Variants in RBFOX1 observed in about 807,000 individuals in gnomAD.
The protein encoded by RBFOX1 is RNA binding protein fox-1 homolog 1.
In RBFOX1, 8 loss-of-function variants were observed where a neutral mutation model predicts 57.7. That is an observed-to-expected ratio of 0.14 (90% CI 0.08 to 0.25). RBFOX1 has a LOEUF of 0.25. RBFOX1 is among the 10% of genes least tolerant of loss of function. RBFOX1 has a pLI of 1.00. For synonymous variants in RBFOX1, 326 were observed against 222.4 expected (o/e 1.47, Z -4.15); for missense variants, 611 against 548.5 (o/e 1.11, Z -1.14).
At chr16:5,400,077 C>G (rs1042185116) in intron 1 of RBFOX1, among the ~76,000 whole-genome samples, 4 of 151,994 alleles carry the variant, frequency 2.6e-5, no homozygotes, top group African/African-American at 7.2e-5. Flanking sequence ...TTTCTTCTTT[C>G]CTTTTCTTTT....
intron 4 of RBFOX1, among the ~76,000 whole-genome samples, chr16:7,380,036 T>G (rs2097760438): frequency 6.6e-6 from 1 of 152,084 alleles, no homozygotes; most frequent in Non-Finnish European, 1.5e-5. Context: ...TAAAGAAAAT[T>G]TTTAGAGAAG....
chr16:5,994,246 CTGCCTCCTG>C (rs1215876476), intron 4 of RBFOX1, among the ~76,000 whole-genome samples: 6 of 152,240 alleles, frequency 3.9e-5, no homozygotes, highest in Admixed American at 2.0e-4. Flanking sequence ...ACTGCAACCT[CTGCCTCCTG>C]GGTTTAAGCA....
At chr16:7,496,378 A>C (rs928643587) in intron 4 of RBFOX1, among the ~76,000 whole-genome samples, 3 of 152,116 alleles carry the variant, frequency 2.0e-5, no homozygotes, top group African/African-American at 7.2e-5. Flanking sequence ...CTTGACCTCA[A>C]GTGATCCACC....
At chr16:5,519,180 G>T (rs1298603980) in intron 2 of RBFOX1, among the ~76,000 whole-genome samples, 1 of 152,196 alleles carries the variant, frequency 6.6e-6, no homozygotes, top group East Asian at 1.9e-4. Context: ...AGCCACCCAG[G>T]CTGTGATACT....
intron 4 of RBFOX1, among the ~76,000 whole-genome samples, chr16:7,125,937 C>G (rs1238167332): frequency 1.3e-5 from 2 of 152,050 alleles, no homozygotes; most frequent in Non-Finnish European, 2.9e-5. Context: ...ACAAAAATTA[C>G]CTGTGCGTGG....
intron 4 of RBFOX1, among the ~76,000 whole-genome samples, chr16:7,171,379 C>T (rs538408867): frequency 5.9e-5 from 9 of 152,340 alleles, no homozygotes; most frequent in African/African-American, 2.2e-4. Flanking sequence ...ATAGTATTTT[C>T]TTGATGAATT....
chr16:7,226,745 C>A (rs1298454026), intron 4 of RBFOX1, among the ~76,000 whole-genome samples: 1 of 152,182 alleles, frequency 6.6e-6, no homozygotes, highest in Non-Finnish European at 1.5e-5. Flanking sequence ...ATCAAGAGGA[C>A]TGGTAGGATT....
chr16:7,235,596 C>T (rs1039686867), intron 4 of RBFOX1, among the ~76,000 whole-genome samples: 2 of 152,150 alleles, frequency 1.3e-5, no homozygotes, highest in African/African-American at 4.8e-5. Flanking sequence ...TTTGCCCTTT[C>T]AATTGATGGG....
chr16:7,120,845 A>ACACC (rs2067004550), intron 4 of RBFOX1, among the ~76,000 whole-genome samples: 1 of 150,378 alleles, frequency 6.6e-6, no homozygotes, highest in African/African-American at 2.4e-5. Context: ...ACACACACAC[A>ACACC]CACACACACA....
intron 1 of RBFOX1, among the ~76,000 whole-genome samples, chr16:5,259,432 G>T (rs1297993998): frequency 6.6e-6 from 1 of 152,168 alleles, no homozygotes; most frequent in Non-Finnish European, 1.5e-5. Flanking sequence ...GTGCTATTCT[G>T]CTGAAACTTC....
intron 1 of RBFOX1, among the ~76,000 whole-genome samples, chr16:5,312,547 C>A (rs1451154209): frequency 2.0e-5 from 3 of 152,206 alleles, no homozygotes; most frequent in Non-Finnish European, 4.4e-5. Context: ...GAACTCCTGA[C>A]CTCATGATCC....
intron 5 of RBFOX1, among the ~76,000 whole-genome samples, chr16:7,537,084 A>G (rs2081644388): frequency 6.6e-6 from 1 of 152,166 alleles, no homozygotes; most frequent in African/African-American, 2.4e-5. Context: ...AGCAGAAAGA[A>G]TCCCATCATT....
intron 5 of RBFOX1, among the ~76,000 whole-genome samples, chr16:7,533,080 C>G (rs2080533010): frequency 6.6e-6 from 1 of 152,234 alleles, no homozygotes; most frequent in Non-Finnish European, 1.5e-5. Context: ...TCCCCTCTGA[C>G]TATTTGTCAT....
At chr16:6,451,966 C>T (rs959113636) in intron 2 of RBFOX1, among the ~76,000 whole-genome samples, 5 of 148,670 alleles carry the variant, frequency 3.4e-5, no homozygotes, top group Admixed American at 3.3e-4. Context: ...CCATGGCTCT[C>T]CTTCCTTCCA....
intron 4 of RBFOX1, among the ~76,000 whole-genome samples, chr16:7,189,463 A>G (rs1279307136): frequency 7.2e-6 from 1 of 139,370 alleles, no homozygotes; most frequent in Non-Finnish European, 1.5e-5. Flanking sequence ...TCCTCAATGG[A>G]TAGAATCCTC....
At chr16:6,728,204 T>C (rs1353445278) in intron 3 of RBFOX1, among the ~76,000 whole-genome samples, 1 of 152,226 alleles carries the variant, frequency 6.6e-6, no homozygotes. Flanking sequence ...CTTACGGTCA[T>C]TGTATCACCT....
intron 3 of RBFOX1, among the ~76,000 whole-genome samples, chr16:6,871,911 CTGTGTGTGTGTGTGTGTGTGTGTG>C (rs57684251): frequency 2.9e-4 from 37 of 129,668 alleles, no homozygotes; most frequent in East Asian, 2.1e-3. Flanking sequence ...GGGAGAGAGT[CTGTGTGTGTGTGTGTGTGTGTGTG>C]TGTGTGTGTG....
chr16:6,857,590 A>G (rs2058140427), intron 3 of RBFOX1, among the ~76,000 whole-genome samples: 1 of 152,234 alleles, frequency 6.6e-6, no homozygotes, highest in Admixed American at 6.5e-5. Flanking sequence ...TAATCGCCGT[A>G]GCTCTTTGCC....
chr16:6,269,118 C>G (rs2074904089), intron 1 of RBFOX1, among the ~76,000 whole-genome samples: 1 of 152,098 alleles, frequency 6.6e-6, no homozygotes, highest in African/African-American at 2.4e-5. Flanking sequence ...GCAAGAGGGA[C>G]AACAACAATA....
Sources: allele counts gnomAD v4.1 joint callset (sites outside exome capture counted in the v4.1 genomes callset), GRCh38; gene constraint gnomAD v4.1.1; transcripts MANE v1.5; gene names NCBI Gene and HGNC (gene_info 2026-07-23, HGNC 2026-07-21).